DTNA: variants seen among roughly 807,000 people sequenced by gnomAD.
DTNA encodes the protein dystrophin-related protein 3.
A neutral mutation model predicts 100.7 loss-of-function variants in DTNA; 43 were observed. The ratio of observed to expected loss-of-function variants is 0.43; its 90% CI spans 0.33 to 0.55. The LOEUF is 0.55. Ranked by LOEUF, DTNA falls within the 20% of genes least tolerant of loss-of-function variation. The pLI, the probability that DTNA is intolerant of heterozygous loss-of-function variation, is 0.04. For missense variants in DTNA, 798 were observed against 953.9 expected (o/e 0.84, Z 2.15); for synonymous variants, 349 against 347.9 (o/e 1.00, Z -0.04).
At chr18:34,821,511 A>G (rs1170700826) in intron 9 of DTNA, 1 of 456,492 alleles carries the variant, frequency 2.2e-6, no homozygotes. Context: ...TGGGCCAACA[A>G]ACAGTCCTTC....
intron 1 of DTNA, among the ~76,000 whole-genome samples, chr18:34,580,188 T>G (rs570811900): frequency 6.6e-6 from 1 of 152,252 alleles, no homozygotes; most frequent in East Asian, 1.9e-4. Flanking sequence ...TGCCCATATA[T>G]CTATTGAAAT....
chr18:34,655,739 A>G (rs1264984801), intron 1 of DTNA, among the ~76,000 whole-genome samples: 3 of 152,200 alleles, frequency 2.0e-5, no homozygotes, highest in Non-Finnish European at 4.4e-5. Context: ...TTGCCCAAGT[A>G]TTGTTTTAAC....
Position 34,818,702 on chromosome 18 carries a change from G to C in DTNA, c.876+372G>C, listed in dbSNP as rs1377530256. 2.9e-6 allele frequency: 3 copies of C among 1,039,554 alleles called. No homozygotes were observed. The African/African-American group carries it at 5.0e-5, about 17-fold the overall frequency. 64.4% of individuals were successfully genotyped at this position (1,039,554 alleles called of 1,614,324 possible). On this transcript the variant is annotated intron_variant, in intron 8 of 22. Transcript: ENST00000444659. ...TTGTGGAAACGGCTTAAAAATTATTGTTAGTTTTATTTTTCTTAGATTCTG... is the reference window on the plus strand; with the variant it reads ...TTGTGGAAACGGCTTAAAAATTATTCTTAGTTTTATTTTTCTTAGATTCTG...
intron 1 of DTNA, among the ~76,000 whole-genome samples, chr18:34,688,813 C>T (rs2079299489): frequency 6.6e-6 from 1 of 152,092 alleles, no homozygotes; most frequent in Non-Finnish European, 1.5e-5. Context: ...TCACCTAGTA[C>T]CATATTTCTT....
At position 34,866,036 on chromosome 18, in the gene DTNA, G is replaced by A. The variant is rs540027829; in HGVS notation, c.1743+1974G>A. On this transcript the variant is annotated intron_variant, in intron 17 of 22. Coordinates refer to ENST00000444659, the MANE Select transcript of DTNA (RefSeq NM_001386795.1). ...GTGTGTTGATGTTTCCCCATCTTGC[G>A]TTCCTTCACACTGTGTACATGCTCT... The A allele has an allele frequency of 6.2e-5, 96 of 1,545,860 alleles. No homozygotes were observed. The Admixed American group carries it at 8.0e-4, about 13-fold the overall frequency.
intron 9 of DTNA, among the ~76,000 whole-genome samples, chr18:34,821,720 C>T (rs2095724501): frequency 6.6e-6 from 1 of 152,200 alleles, no homozygotes; most frequent in Non-Finnish European, 1.5e-5. Flanking sequence ...TCCTTATGAA[C>T]TGCCTGTAGT....
chr18:34,889,377 AC>A lies in DTNA; in HGVS notation c.*1646del, dbSNP rs2096950583. 1.0e-6 allele frequency: 1 copy of A among 985,046 alleles called. No homozygotes were observed. Among genetic ancestry groups the A allele is most frequent in the Non-Finnish European group, 1.2e-6 (1 of 829,616 alleles). 61.0% of individuals were successfully genotyped at this position (985,046 alleles called of 1,614,324 possible). A position where few individuals can be genotyped will look rare whatever the true frequency, so the allele number is the denominator to read the frequency against. ...TGGGTCCAGAAGTCTGTTTTAGTCA[AC>A]CCTCTAGGTGATTCTGATGCTCGCT... On this transcript the variant is annotated 3_prime_UTR_variant, in exon 23 of 23. Coordinates refer to ENST00000444659, the MANE Select transcript of DTNA (RefSeq NM_001386795.1).
In DTNA at chr18:34,891,302, T is replaced by C. The variant is rs745931657; in HGVS notation, c.*3568T>C. 1 of 152,446 alleles carries C rather than the reference T, an allele frequency of 6.6e-6. No individual in the cohort carries two copies. The highest frequency in any genetic ancestry group is 1.5e-5 in the Non-Finnish European group (1 of 68,004). 9.4% of individuals were successfully genotyped at this position (152,446 alleles called of 1,614,324 possible). The stretch of plus-strand genomic sequence containing the variant: ...TGTGTGTGTGTGTGTTGGAACCTCC[T>C]GGGGACATGTTATATTTTGAAGTGA... On this transcript the variant is annotated 3_prime_UTR_variant, in exon 23 of 23. Coordinates refer to ENST00000444659, the MANE Select transcript of DTNA (RefSeq NM_001386795.1).
intron 1 of DTNA, among the ~76,000 whole-genome samples, chr18:34,675,032 G>C (rs1214863079): frequency 1.3e-5 from 2 of 152,158 alleles, no homozygotes; most frequent in East Asian, 3.9e-4. Flanking sequence ...TTCAACTTCA[G>C]AGGTCTGGAT....
intron 1 of DTNA, among the ~76,000 whole-genome samples, chr18:34,603,028 A>T (rs933404315): frequency 6.6e-6 from 1 of 151,458 alleles, no homozygotes; most frequent in Admixed American, 6.6e-5. Flanking sequence ...AATAAAAAAT[A>T]AATTTAATTT....
At chr18:34,805,427 C>T (rs867860132) in intron 4 of DTNA, among the ~76,000 whole-genome samples, 4 of 152,052 alleles carry the variant, frequency 2.6e-5, no homozygotes, top group East Asian at 3.9e-4. Context: ...CGGGTTCAAG[C>T]GATTCTTATG....
intron 1 of DTNA, among the ~76,000 whole-genome samples, chr18:34,557,681 G>A (rs535169307): frequency 1.1e-4 from 17 of 151,776 alleles, no homozygotes; most frequent in East Asian, 1.9e-4. Flanking sequence ...TAGGCTGCTC[G>A]GGGGTCAGGG....
intron 1 of DTNA, among the ~76,000 whole-genome samples, chr18:34,602,828 C>A (rs1259422369): frequency 3.3e-5 from 5 of 151,566 alleles, no homozygotes; most frequent in African/African-American, 1.2e-4. Context: ...CATAGTGAAA[C>A]CCCGTCTCTA....
At chr18:34,642,926 A>G (rs1334432213) in intron 1 of DTNA, among the ~76,000 whole-genome samples, 2 of 152,194 alleles carry the variant, frequency 1.3e-5, no homozygotes, top group African/African-American at 4.8e-5. Context: ...ACAGAAATTC[A>G]GACCCTCCCA....
chr18:34,889,568 C>T lies in DTNA; in HGVS notation c.*1834C>T. 1.0e-6 allele frequency: 1 copy of T among 985,398 alleles called. No individual in the cohort carries two copies. The highest frequency in any genetic ancestry group is 1.2e-6 in the Non-Finnish European group (1 of 829,930). 61.0% of individuals were successfully genotyped at this position (985,398 alleles called of 1,614,324 possible). ...AAGTTCGTAGTTGGTAGGTGCCCAG[C>T]CAAGTCCTGACATCTTCATGCCCCC... On this transcript the variant is annotated 3_prime_UTR_variant, in exon 23 of 23. Transcript: ENST00000444659.
At chr18:34,762,192 G>A (rs757082081) in intron 2 of DTNA, among the ~76,000 whole-genome samples, 17 of 151,992 alleles carry the variant, frequency 1.1e-4, no homozygotes, top group African/African-American at 1.9e-4. Context: ...CAGCTAATAC[G>A]CTTTTTAATA....
rs761172154 is a variant in DTNA at position 34,601,864 on chromosome 18, GGA to G, written c.-2+108353_-2+108354del. ...CCATAAACAGTTTTGGGAAGTGTAA[GGA>G]GACTCCGTTGGGGCAATTCCTACAG... On this transcript the variant is annotated intron_variant, in intron 1 of 19. Transcript: ENST00000283365. 6.0e-4 allele frequency among the ~76,000 whole-genome samples: 91 copies of G among 152,310 alleles called. No individual in the cohort carries two copies. The Middle Eastern group carries it at 0.014, about 23-fold the overall frequency.
intron 1 of DTNA, among the ~76,000 whole-genome samples, chr18:34,704,785 T>C (rs969708478): frequency 6.6e-6 from 1 of 152,222 alleles, no homozygotes; most frequent in Non-Finnish European, 1.5e-5. Context: ...TCTAAATCTT[T>C]GTATCCAGAC....
At chr18:34,606,454 T>G (rs1247105426) in intron 1 of DTNA, among the ~76,000 whole-genome samples, 20 of 152,170 alleles carry the variant, frequency 1.3e-4, no homozygotes, top group Admixed American at 9.2e-4. Context: ...CCAAGACTCG[T>G]ATCAAAATGA....
Sources: allele counts gnomAD v4.1 joint callset (sites outside exome capture counted in the v4.1 genomes callset), GRCh38; gene constraint gnomAD v4.1.1; transcripts MANE v1.5; gene names NCBI Gene and HGNC (gene_info 2026-07-23, HGNC 2026-07-21).